The following ACACA variants were observed in gnomAD, a reference collection of about 807,000 sequenced individuals.
ACACA encodes the protein acetyl-CoA carboxylase 1.
ACACA carries 103 observed loss-of-function variants against 296.1 expected under a neutral mutation model. The observed-to-expected ratio is 0.35, with a 90% confidence interval of 0.30 to 0.41. The LOEUF is 0.41. Ranked by LOEUF, ACACA falls within the 10% of genes least tolerant of loss-of-function variation. The probability of loss-of-function intolerance (pLI) is 1.00; values close to 1 mark genes in which losing one functional copy is unlikely to be tolerated. For synonymous variants in ACACA, 953 were observed against 1,038.6 expected (o/e 0.92, Z 1.58); for missense variants, 1,554 against 2,989.7 (o/e 0.52, Z 11.20).
At chr17:37,396,152 C>A (rs1478520452) in intron 1 of ACACA, among the ~76,000 whole-genome samples, 2 of 152,024 alleles carry the variant, frequency 1.3e-5, no homozygotes, top group East Asian at 3.9e-4. Flanking sequence ...CCAGCCTGGC[C>A]AAGATGGTGA....
At chr17:37,316,994 G>T (rs960971939) in intron 3 of ACACA, among the ~76,000 whole-genome samples, 1 of 151,394 alleles carries the variant, frequency 6.6e-6, no homozygotes, top group Non-Finnish European at 1.5e-5. Flanking sequence ...GATCACTTGA[G>T]CCCAGGGAGG....
intron 39 of ACACA, among the ~76,000 whole-genome samples, chr17:37,181,900 CA>C (rs61045031): frequency 0.011 from 237 of 22,204 alleles, no homozygotes; most frequent in South Asian, 0.038. Flanking sequence ...ACTCTGTATC[CA>C]AAAAAAAAAA....
rs1021935881 is a variant in ACACA, at chr17:37,085,910, T to C, written c.*1406A>G. 12 of 398,602 alleles carry C rather than the reference T, an allele frequency of 3.0e-5. No individual in the cohort carries two copies. Among genetic ancestry groups the C allele is most frequent in the African/African-American group, 2.5e-4 (12 of 48,618 alleles). 24.7% of individuals were successfully genotyped at this position (398,602 alleles called of 1,614,324 possible). A position where few individuals can be genotyped will look rare whatever the true frequency, so the allele number is the denominator to read the frequency against. On this transcript the variant is annotated 3_prime_UTR_variant, in exon 56 of 56. Transcript: ENST00000616317. ...CAGTGACAAATGCAGTTAGCTGCAC[T>C]AAAGGAACCGGATGCTACACCAGCC...
intron 3 of ACACA, among the ~76,000 whole-genome samples, chr17:37,291,846 A>G (rs937849388): frequency 5.9e-5 from 9 of 152,218 alleles, no homozygotes; most frequent in African/African-American, 2.2e-4. Flanking sequence ...GTAGTCTTAT[A>G]GTTATCAAAA....
At position 37,274,279 on chromosome 17, in the gene ACACA, C is replaced by T. The variant is rs2082185215; in HGVS notation, c.922G>A (p.Glu308Lys). The T allele has an allele frequency of 1.2e-6, 2 of 1,614,126 alleles. No homozygotes were observed. Among genetic ancestry groups the T allele is most frequent in the African/African-American group, 1.3e-5 (1 of 75,058 alleles). The change falls in exon 9 of 56, where the codon GAA (glutamate) becomes AAA (lysine). Residue 308 changes from glutamate to lysine, a missense_variant. Around this residue, in one of 16 missense-constraint regions of ACACA, gnomAD observed 47 missense variants for 55.4 expected, o/e 0.85. Coordinates refer to ENST00000616317, the MANE Select transcript of ACACA (RefSeq NM_198834.3). ...SGSGLRVDWQ[E>K]NDFSKRILNV... Reference sequence around the variant, plus strand: ...AAGATACGTTTTGAAAAATCATTTTCCTGCCAGTCCACACGAAGACCTGCA... The same window carrying T: ...AAGATACGTTTTGAAAAATCATTTTTCTGCCAGTCCACACGAAGACCTGCA...
chr17:37,232,567 T>C (rs1367114722), intron 25 of ACACA, among the ~76,000 whole-genome samples: 1 of 152,122 alleles, frequency 6.6e-6, no homozygotes, highest in Non-Finnish European at 1.5e-5. Context: ...ATGTCTGGCA[T>C]TCAGTAACAT....
intron 42 of ACACA, among the ~76,000 whole-genome samples, chr17:37,158,352 G>T (rs2076332584): frequency 6.6e-6 from 1 of 152,146 alleles, no homozygotes; most frequent in Non-Finnish European, 1.5e-5. Flanking sequence ...GATGAGGCTG[G>T]GTGCGGTGGT....
intron 16 of ACACA, among the ~76,000 whole-genome samples, chr17:37,250,006 C>T (rs143368621): frequency 1.8e-4 from 27 of 152,276 alleles, no homozygotes; most frequent in African/African-American, 5.3e-4. Context: ...GCTGCCACCA[C>T]GAAAGATGTG....
chr17:37,391,744 A>G (rs1245955022), intron 1 of ACACA: 21 of 1,596,864 alleles, frequency 1.3e-5, no homozygotes, highest in Non-Finnish European at 1.8e-5. Context: ...CTCTATCTCA[A>G]AGACTGAATG....
intron 41 of ACACA, 72 bp from the exon 42 acceptor site, chr17:37,162,122 T>G: frequency 6.6e-7 from 1 of 1,516,912 alleles, no homozygotes; most frequent in Non-Finnish European, 9.1e-7. Context: ...TCATTGAAGG[T>G]ATCAGAGTAT....
intron 3 of ACACA, among the ~76,000 whole-genome samples, chr17:37,307,746 C>T (rs975514345): frequency 6.6e-6 from 1 of 151,996 alleles, no homozygotes; most frequent in Non-Finnish European, 1.5e-5. Context: ...GGCACCATGC[C>T]TGGCTAATTT....
At position 37,086,676 on chromosome 17, in the gene ACACA, C is replaced by G. The variant is rs1301983502; in HGVS notation, c.*640G>C. On this transcript the variant is annotated 3_prime_UTR_variant, in exon 56 of 56. Transcript: ENST00000616317. ...GAATAACTGGTTCTATTTTCTTTCT[C>G]TGCTTCTTGGCTCACAGTTTTGCCC... The G allele has an allele frequency of 6.5e-6, 1 of 153,814 alleles. No homozygotes were observed. Among genetic ancestry groups the G allele is most frequent in the African/African-American group, 2.4e-5 (1 of 41,470 alleles). 9.5% of individuals were successfully genotyped at this position (153,814 alleles called of 1,614,324 possible). A position where few individuals can be genotyped will look rare whatever the true frequency, so the allele number is the denominator to read the frequency against.
At chr17:37,299,199 A>G in intron 3 of ACACA, 1 of 1,388,608 alleles carries the variant, frequency 7.2e-7, no homozygotes, top group South Asian at 1.3e-5. Flanking sequence ...TGATCAAATA[A>G]ATCTCAGGGC....
At chr17:37,181,900 CAA>C (rs61045031) in intron 39 of ACACA, among the ~76,000 whole-genome samples, 14 of 22,236 alleles carry the variant, frequency 6.3e-4, no homozygotes, top group African/African-American at 1.4e-3. Flanking sequence ...ACTCTGTATC[CAA>C]AAAAAAAAAA....
rs565893198 is a variant in ACACA, at chr17:37,277,799, A to C, written c.720+97T>G. ...CACAGGCATTTAATAATTTTCGAAAATGATGCTTTACAAAAATGTTCTTCT... is the reference window on the plus strand; with the variant it reads ...CACAGGCATTTAATAATTTTCGAAACTGATGCTTTACAAAAATGTTCTTCT... On this transcript the variant is annotated intron_variant, in intron 6 of 55. Coordinates refer to ENST00000616317, the MANE Select transcript of ACACA (RefSeq NM_198834.3). The C allele has an allele frequency of 3.8e-5, 36 of 955,446 alleles. No homozygotes were observed. The Admixed American group carries it at 6.9e-4, about 18-fold the overall frequency. 59.2% of individuals were successfully genotyped at this position (955,446 alleles called of 1,614,324 possible).
rs180784003 is a variant in ACACA, at chr17:37,319,310, A to G, written c.338+10863T>C. Among the ~76,000 whole-genome samples the G allele has an allele frequency of 3.2e-4, 48 of 151,704 alleles. No homozygotes were observed. In the East Asian group the frequency reaches 5.6e-3, roughly 18 times the overall value. On this transcript the variant is annotated intron_variant, in intron 3 of 55. Transcript: ENST00000616317. ...TTAGATTAAAATTTATTGAAATAGA[A>G]AGTGAATTTTTTTGACTAAAAAAAG...
chr17:37,110,484 T>C (rs1314790080), intron 52 of ACACA, among the ~76,000 whole-genome samples: 1 of 152,226 alleles, frequency 6.6e-6, no homozygotes, highest in East Asian at 1.9e-4. Flanking sequence ...TTAGAGTTAT[T>C]GGTGGCTGTT....
At chr17:37,118,797 G>T (rs972302424) in intron 50 of ACACA, among the ~76,000 whole-genome samples, 7 of 152,186 alleles carry the variant, frequency 4.6e-5, no homozygotes, top group Non-Finnish European at 8.8e-5. Flanking sequence ...TGATGATTAT[G>T]TAAGATAATA....
intron 2 of ACACA, among the ~76,000 whole-genome samples, chr17:37,331,960 T>C (rs754098605): frequency 1.4e-4 from 21 of 152,020 alleles, no homozygotes; most frequent in Non-Finnish European, 2.8e-4. Flanking sequence ...CATTTTAAAA[T>C]GTCACCCCAA....
Sources: gnomAD v4.1 joint callset for allele counts (sites outside exome capture counted in the v4.1 genomes callset) on GRCh38, gnomAD v4.1.1 for gene constraint, gnomAD v4.1.1 regional missense constraint, MANE v1.5 for transcripts, NCBI Gene and HGNC (gene_info 2026-07-23, HGNC 2026-07-21) for gene names.